Variants in LTBP1 observed in about 807,000 individuals in gnomAD.
The protein encoded by LTBP1 is latent-transforming growth factor beta-binding protein 1.
Under a neutral mutation model 207.6 loss-of-function variants are expected in LTBP1, and 129 were observed. That is an observed-to-expected ratio of 0.62 (90% CI 0.54 to 0.72). LTBP1 has a LOEUF of 0.72. LTBP1 is among the 30% of genes least tolerant of loss of function. The pLI is 0.00. For missense variants in LTBP1, 2,281 were observed against 2,217.2 expected (o/e 1.03, Z -0.58); for synonymous variants, 963 against 833.7 (o/e 1.16, Z -2.67).
chr2:33,100,010 A>C (rs1203779168), intron 3 of LTBP1, among the ~76,000 whole-genome samples: 2 of 152,202 alleles, frequency 1.3e-5, no homozygotes, highest in Non-Finnish European at 2.9e-5. Flanking sequence ...TAAAACAATC[A>C]TGTAAATCAA....
At chr2:33,006,381 C>CTTT (rs3047193) in intron 2 of LTBP1, among the ~76,000 whole-genome samples, 2 of 116,760 alleles carry the variant, frequency 1.7e-5, no homozygotes, top group South Asian at 2.9e-4. Flanking sequence ...ATAAGAAAGC[C>CTTT]TTTTTTTTTT....
chr2:33,100,916 A>G (rs920410693), intron 3 of LTBP1, among the ~76,000 whole-genome samples: 3 of 152,216 alleles, frequency 2.0e-5, no homozygotes, highest in Non-Finnish European at 4.4e-5. Flanking sequence ...CATTGCATGG[A>G]CAAACCACAT....
At chr2:33,182,687 G>GAGAGATATAT (rs1469125010) in intron 5 of LTBP1, among the ~76,000 whole-genome samples, 1 of 67,008 alleles carries the variant, frequency 1.5e-5, no homozygotes, top group African/African-American at 5.9e-5. Context: ...AAAAGATGGT[G>GAGAGATATAT]ATATATATAT....
intron 2 of LTBP1, among the ~76,000 whole-genome samples, chr2:32,956,398 C>T (rs1291952595): frequency 6.6e-6 from 1 of 152,222 alleles, no homozygotes; most frequent in East Asian, 1.9e-4. Flanking sequence ...GTCATTTCAA[C>T]AATGCTCACA....
chr2:32,956,270 A>G (rs1370181150), intron 2 of LTBP1, among the ~76,000 whole-genome samples: 9 of 152,228 alleles, frequency 5.9e-5, no homozygotes, highest in Non-Finnish European at 1.3e-4. Flanking sequence ...TGTAGCATAC[A>G]GTGCTGTTTG....
At chr2:33,022,140 CAG>C (rs2075201313) in intron 3 of LTBP1, among the ~76,000 whole-genome samples, 2 of 152,092 alleles carry the variant, frequency 1.3e-5, no homozygotes, top group South Asian at 4.1e-4. Context: ...AGTCAGCCCA[CAG>C]AAGTTATTCA....
At chr2:33,264,927 T>C (rs2093132119) in intron 15 of LTBP1, among the ~76,000 whole-genome samples, 1 of 151,972 alleles carries the variant, frequency 6.6e-6, no homozygotes, top group Non-Finnish European at 1.5e-5. Context: ...CCCAAAGGCC[T>C]GAGAAGCAGG....
At chr2:33,273,618 C>A (rs747962764) in intron 15 of LTBP1, 38 bp from the exon 16 acceptor site, 1 of 1,543,898 alleles carries the variant, frequency 6.5e-7, no homozygotes, top group Non-Finnish European at 8.8e-7. Context: ...CTGTTCATTT[C>A]TGTGGGTTTT....
intron 2 of LTBP1, among the ~76,000 whole-genome samples, chr2:32,957,187 C>A (rs370831498): frequency 1.3e-5 from 2 of 152,208 alleles, no homozygotes; most frequent in Admixed American, 6.5e-5. Context: ...GGAGAGTCAG[C>A]CCATCCTTTG....
intron 3 of LTBP1, among the ~76,000 whole-genome samples, chr2:33,091,714 A>G (rs2079103185): frequency 1.3e-5 from 2 of 152,170 alleles, no homozygotes; most frequent in Non-Finnish European, 2.9e-5. Flanking sequence ...CCTCTGACTA[A>G]TCGCCCGAAG....
In LTBP1 at chr2:33,350,076, A is replaced by G. The variant is rs577903597; in HGVS notation, c.4000+2566A>G. Among the ~76,000 whole-genome samples, 163 of 152,384 alleles carry G rather than the reference A, an allele frequency of 1.1e-3. No homozygotes were observed. In the Middle Eastern group the frequency reaches 0.014, roughly 13 times the overall value. On this transcript the variant is annotated intron_variant, in intron 26 of 33. Coordinates refer to ENST00000404816, the MANE Select transcript of LTBP1 (RefSeq NM_206943.4). ...GTCCAGTAAAAGAATCTGCTATTCC[A>G]CAGACCAAAACATTTTAAACCAAAT...
intron 2 of LTBP1, among the ~76,000 whole-genome samples, chr2:32,963,836 A>G (rs1679527418): frequency 6.6e-6 from 1 of 152,194 alleles, no homozygotes; most frequent in South Asian, 2.1e-4. Flanking sequence ...ACAAGCACCC[A>G]TCTGACTGAT....
rs900445155 is a variant in LTBP1, at chr2:33,360,513, C to T, written c.4001-84C>T. 3.6e-6 allele frequency: 3 copies of T among 844,538 alleles called. No homozygotes were observed. In the African/African-American group the frequency reaches 5.1e-5, roughly 14 times the overall value. The allele number at this position is 844,538 out of a possible 1,614,324, so 52.3% of individuals were successfully genotyped here. ...AGCAAATGCTATTGACACGGTCACT[C>T]TTTCCCCCATTGCATTCTCTACTTG... On this transcript the variant is annotated intron_variant, in intron 26 of 33. Transcript: ENST00000404816.
chr2:33,298,852 C>T (rs549489923), intron 20 of LTBP1, among the ~76,000 whole-genome samples: 2 of 152,242 alleles, frequency 1.3e-5, no homozygotes, highest in East Asian at 1.9e-4. Flanking sequence ...TACATTAATA[C>T]TTTGAGCTAT....
At chr2:33,038,520 G>T (rs1259916522) in intron 3 of LTBP1, among the ~76,000 whole-genome samples, 1 of 152,124 alleles carries the variant, frequency 6.6e-6, no homozygotes, top group Non-Finnish European at 1.5e-5. Flanking sequence ...GTCGTTCCTG[G>T]CCTGTGAAGA....
chr2:32,983,711 C>A (rs578053595), intron 2 of LTBP1, among the ~76,000 whole-genome samples: 1 of 152,342 alleles, frequency 6.6e-6, no homozygotes, highest in East Asian at 1.9e-4. Context: ...AGTTCCCCTG[C>A]ACACACTCTC....
At chr2:33,056,211 G>A (rs562399935) in intron 3 of LTBP1, 47 of 324,384 alleles carry the variant, frequency 1.4e-4, no homozygotes, top group Non-Finnish European at 2.6e-4. Flanking sequence ...TCTTTTTCAG[G>A]GTTTGTGGGT....
intron 5 of LTBP1, among the ~76,000 whole-genome samples, chr2:33,164,073 G>A (rs1336983817): frequency 1.3e-5 from 2 of 151,774 alleles, no homozygotes; most frequent in South Asian, 2.1e-4. Flanking sequence ...ATAATGGGCC[G>A]GGTGCAGTGG....
Position 33,231,512 on chromosome 2 carries a change from C to T in LTBP1, c.1876+9361C>T, listed in dbSNP as rs578024097. Among the ~76,000 whole-genome samples, 6 of 152,152 alleles carry T rather than the reference C, an allele frequency of 3.9e-5. No homozygotes were observed. In the South Asian group the frequency reaches 6.2e-4, roughly 16 times the overall value. ...GCATAAGGACTTTTTGGCTACAAAGCGCTTGTCTGGACTGTAGCTTGCATT... is the reference window on the plus strand; with the variant it reads ...GCATAAGGACTTTTTGGCTACAAAGTGCTTGTCTGGACTGTAGCTTGCATT... On this transcript the variant is annotated intron_variant, in intron 9 of 33. Transcript: ENST00000404816.
Sources: allele counts gnomAD v4.1 joint callset (sites outside exome capture counted in the v4.1 genomes callset), GRCh38; gene constraint gnomAD v4.1.1; transcripts MANE v1.5; gene names NCBI Gene and HGNC (gene_info 2026-07-23, HGNC 2026-07-21).